LANCL2: variants seen among roughly 807,000 people sequenced by gnomAD.
LANCL2 encodes the protein LanC like glutathione S-transferase 2.
In LANCL2, 33 loss-of-function variants were observed where a neutral mutation model predicts 56.9. The observed-to-expected ratio is 0.58, with a 90% CI of 0.44 to 0.78. LANCL2 has a LOEUF of 0.78. Among genes scored for constraint, LANCL2 ranks in the 30% least tolerant of loss-of-function variants. The probability of loss-of-function intolerance (pLI) is 0.00; values close to 1 mark genes in which losing one functional copy is unlikely to be tolerated. For missense variants in LANCL2, 562 were observed against 580.2 expected (o/e 0.97, Z 0.32); for synonymous variants, 233 against 228.2 (o/e 1.02, Z -0.19).
chr7:55,391,264 C>G lies in LANCL2; in HGVS notation c.205-529C>G, dbSNP rs1020832714. Among the ~76,000 whole-genome samples, 5 of 151,880 alleles carry G rather than the reference C, an allele frequency of 3.3e-5. No homozygotes were observed. The East Asian group carries it at 9.7e-4, about 29-fold the overall frequency. On this transcript the variant is annotated intron_variant, in intron 1 of 8. Coordinates refer to ENST00000254770, the MANE Select transcript of LANCL2 (RefSeq NM_018697.4). ...CGATCTCCTGACCTCGTGATCCGCC[C>G]GCCTCGGCCTCCCAAAGTGCTGGGA... is the stretch of plus-strand genomic sequence containing the variant.
chr7:55,408,973 C>CT (rs1310115724), intron 5 of LANCL2, among the ~76,000 whole-genome samples: 7 of 109,120 alleles, frequency 6.4e-5, no homozygotes, highest in African/African-American at 2.3e-4. Flanking sequence ...CAGTGAAACT[C>CT]TGTCTCAAAA....
Position 55,391,800 on chromosome 7 carries a change from A to T in LANCL2, c.212A>T (p.His71Leu). The stretch of plus-strand genomic sequence containing the variant: ...TCTTCTTTTGGATCTCAGATCATTC[A>T]TAATTTCATAAGACGGATCCAGACC... ...LPFHQDGKII[H>L]NFIRRIQTKI... Residue 71 changes from histidine (H) to leucine (L), a missense_variant, in exon 2 of 9, where the codon CAT becomes CTT. Coordinates refer to ENST00000254770, the MANE Select transcript of LANCL2 (RefSeq NM_018697.4). 1 of 1,574,398 alleles carries T rather than the reference A, an allele frequency of 6.4e-7. No homozygotes were observed.
intron 1 of LANCL2, among the ~76,000 whole-genome samples, chr7:55,388,051 ACT>A (rs1312650742): frequency 6.6e-6 from 1 of 152,022 alleles, no homozygotes; most frequent in Non-Finnish European, 1.5e-5. Flanking sequence ...ATTCTACATA[ACT>A]CTACATTGTA....
At chr7:55,401,460 C>T (rs1362253760) in intron 5 of LANCL2, 140 bp downstream of exon 5, 2 of 560,666 alleles carry the variant, frequency 3.6e-6, no homozygotes, top group Non-Finnish European at 6.0e-6. Flanking sequence ...ACATAAACCA[C>T]AGGCAGTGGA....
At chr7:55,373,110 G>C (rs929785809) in intron 1 of LANCL2, among the ~76,000 whole-genome samples, 1 of 152,102 alleles carries the variant, frequency 6.6e-6, no homozygotes, top group Admixed American at 6.5e-5. Flanking sequence ...AGATTCGTAA[G>C]TTTATGCTTG....
At chr7:55,391,643 C>A in intron 1 of LANCL2, 150 bp from the exon 2 acceptor site, 8 of 468,792 alleles carry the variant, frequency 1.7e-5, no homozygotes, top group East Asian at 7.2e-5. Context: ...CTTATAAAAA[C>A]CAAGATAGAC....
At chr7:55,420,515 C>T (rs1238388771) in intron 6 of LANCL2, among the ~76,000 whole-genome samples, 3 of 152,188 alleles carry the variant, frequency 2.0e-5, no homozygotes, top group African/African-American at 7.2e-5. Context: ...TTTGAATGGT[C>T]TAGTTGTCAG....
intron 1 of LANCL2, among the ~76,000 whole-genome samples, chr7:55,372,023 A>G (rs1202415299): frequency 6.6e-6 from 1 of 152,226 alleles, no homozygotes; most frequent in Non-Finnish European, 1.5e-5. Flanking sequence ...TTAGAAATGC[A>G]GATCCCACTC....
At chr7:55,397,792 T>G (rs1471098583) in intron 2 of LANCL2, among the ~76,000 whole-genome samples, 1 of 152,048 alleles carries the variant, frequency 6.6e-6, no homozygotes, top group Non-Finnish European at 1.5e-5. Flanking sequence ...GAGTCTGTTC[T>G]TTATCTAGAA....
chr7:55,368,977 T>A (rs969551918), intron 1 of LANCL2, among the ~76,000 whole-genome samples: 11 of 152,168 alleles, frequency 7.2e-5, no homozygotes, highest in African/African-American at 2.7e-4. Flanking sequence ...AGACCCTGTC[T>A]CTTTTTTAAA....
intron 1 of LANCL2, among the ~76,000 whole-genome samples, chr7:55,370,408 G>A (rs1789930078): frequency 6.6e-6 from 1 of 152,186 alleles, no homozygotes; most frequent in African/African-American, 2.4e-5. Context: ...AAGTGGAGGG[G>A]TTATACAGGA....
chr7:55,401,061 A>G, intron 4 of LANCL2, 113 bp from the exon 5 acceptor site: 1 of 703,066 alleles, frequency 1.4e-6, no homozygotes, highest in Non-Finnish European at 2.2e-6. Context: ...CTTTTAGATT[A>G]AGGCTTCTGC....
At position 55,391,520 on chromosome 7, in the gene LANCL2, C is replaced by T. The variant is rs561801827; in HGVS notation, c.205-273C>T. Among the ~76,000 whole-genome samples the T allele has an allele frequency of 5.0e-4, 67 of 133,446 alleles. 3 individuals are homozygous for T. Among genetic ancestry groups the T allele is most frequent in the Non-Finnish European group, 3.3e-5 (2 of 60,624 alleles). 87.5% of individuals were successfully genotyped at this position (133,446 alleles called of 152,430 possible). A position where few individuals can be genotyped will look rare whatever the true frequency, so the allele number is the denominator to read the frequency against. On this transcript the variant is annotated intron_variant, in intron 1 of 8. Coordinates refer to ENST00000254770, the MANE Select transcript of LANCL2 (RefSeq NM_018697.4). Reference sequence around the variant, plus strand: ...AAATGTTTATATAGTTAAATCCATCCATTTTTCCTTTTTTTTTTAATTCTT... The same window carrying T: ...AAATGTTTATATAGTTAAATCCATCTATTTTTCCTTTTTTTTTTAATTCTT...
chr7:55,429,580 A>T (rs1790705492), intron 8 of LANCL2, among the ~76,000 whole-genome samples: 1 of 152,260 alleles, frequency 6.6e-6, no homozygotes, highest in African/African-American at 2.4e-5. Flanking sequence ...AAAACAGAGC[A>T]TGTGTCACAT....
At position 55,431,141 on chromosome 7, in the gene LANCL2, C is replaced by T. The variant is rs1351031270; in HGVS notation, c.1259-85C>T. ...AGCACCTTTCCCACATGCTTGCAGCCCCTGGTAAGGGAAATGATTAAAAGT... is the reference window on the plus strand; with the variant it reads ...AGCACCTTTCCCACATGCTTGCAGCTCCTGGTAAGGGAAATGATTAAAAGT... On this transcript the variant is annotated intron_variant, in intron 8 of 8. Coordinates refer to ENST00000254770, the MANE Select transcript of LANCL2 (RefSeq NM_018697.4). The T allele has an allele frequency of 5.4e-6, 5 of 932,202 alleles. No homozygotes were observed. In the South Asian group the frequency reaches 1.1e-4, roughly 20 times the overall value. The allele number at this position is 932,202 out of a possible 1,614,324, so 57.7% of individuals were successfully genotyped here. A position where few individuals can be genotyped will look rare whatever the true frequency, so the allele number is the denominator to read the frequency against.
At chr7:55,411,279 T>G (rs1445796010) in intron 5 of LANCL2, 1 of 152,266 alleles carries the variant, frequency 6.6e-6, no homozygotes, top group African/African-American at 2.4e-5. Flanking sequence ...AACTATGTTT[T>G]TAGTCTTAGT....
At chr7:55,400,242 C>G (rs750693862) in intron 4 of LANCL2, 138 bp downstream of exon 4, 2 of 631,230 alleles carry the variant, frequency 3.2e-6, no homozygotes, top group Non-Finnish European at 4.9e-6. Context: ...AAGAAATAGT[C>G]CCTGCTTTTT....
intron 6 of LANCL2, among the ~76,000 whole-genome samples, chr7:55,422,807 G>T (rs137869775): frequency 0.011 from 1,710 of 152,302 alleles, 24 homozygotes; most frequent in Non-Finnish European, 0.016. Context: ...GTTCACTGAT[G>T]ATGAGTATAG....
In LANCL2 at chr7:55,392,033, C is replaced by T. The variant is rs1790197354; in HGVS notation, c.322+123C>T. The T allele has an allele frequency of 1.4e-5, 8 of 560,956 alleles. No individual in the cohort carries two copies. In the South Asian group the frequency reaches 1.7e-4, roughly 12 times the overall value. The allele number at this position is 560,956 out of a possible 1,614,324, so 34.7% of individuals were successfully genotyped here. ...TTTGGCCAGGCACGGTGGCTGACGC[C>T]TGTAATCCCAGCACATTTGGAGGCC... On this transcript the variant is annotated intron_variant, in intron 2 of 8. Transcript: ENST00000254770.
Sources: allele counts gnomAD v4.1 joint callset (sites outside exome capture counted in the v4.1 genomes callset), GRCh38; gene constraint gnomAD v4.1.1; transcripts MANE v1.5; gene names NCBI Gene and HGNC (gene_info 2026-07-23, HGNC 2026-07-21).